Variants in ADGRL3 observed in about 807,000 individuals in gnomAD.
ADGRL3 encodes adhesion G protein-coupled receptor L3.
Under a neutral mutation model 153.5 loss-of-function variants are expected in ADGRL3, and 62 were observed. The observed-to-expected ratio is 0.40, with a 90% CI of 0.33 to 0.50. ADGRL3 has a LOEUF of 0.50. Ranked by LOEUF, ADGRL3 falls within the 20% of genes least tolerant of loss-of-function variation. The pLI, the probability that ADGRL3 is intolerant of heterozygous loss-of-function variation, is 0.47. For missense variants in ADGRL3, 1,641 were observed against 1,859.4 expected (o/e 0.88, Z 2.16); for synonymous variants, 710 against 672.5 (o/e 1.06, Z -0.86).
chr4:61,848,338 G>T (rs1405363447), intron 9 of ADGRL3, among the ~76,000 whole-genome samples: 1 of 150,858 alleles, frequency 6.6e-6, no homozygotes, highest in Non-Finnish European at 1.5e-5. Context: ...AGCCTCTAGG[G>T]TAGGATCCTT....
chr4:62,040,109 ACT>A (rs1314792838), intron 24 of ADGRL3, among the ~76,000 whole-genome samples: 1 of 152,082 alleles, frequency 6.6e-6, no homozygotes, highest in African/African-American at 2.4e-5. Flanking sequence ...TTTCATTGAC[ACT>A]CAGTTTTTCC....
At chr4:61,702,388 T>C (rs2095783109) in intron 6 of ADGRL3, among the ~76,000 whole-genome samples, 1 of 152,194 alleles carries the variant, frequency 6.6e-6, no homozygotes, top group Admixed American at 6.5e-5. Context: ...TTTGCATGGA[T>C]TTTTCAGTAG....
At position 61,803,781 on chromosome 4, in the gene ADGRL3, A is replaced by G. The variant is rs113207520; in HGVS notation, c.1400-10028A>G. ...TCTAATACACAGTATCTTAAAATCA[A>G]TCAAACTCTATACTGTTACTTTGTA... is the stretch of plus-strand genomic sequence containing the variant. On this transcript the variant is annotated intron_variant, in intron 8 of 26. Coordinates refer to ENST00000683033, the MANE Select transcript of ADGRL3 (RefSeq NM_001387552.1). 7.0e-4 allele frequency among the ~76,000 whole-genome samples: 106 copies of G among 152,180 alleles called. 1 individual carries two copies. The Middle Eastern group carries it at 0.01, about 15-fold the overall frequency.
Position 61,927,165 on chromosome 4 carries a change from G to A in ADGRL3, c.2113-7675G>A, listed in dbSNP as rs370098111. 1.1e-4 allele frequency among the ~76,000 whole-genome samples: 16 copies of A among 152,242 alleles called. No individual in the cohort carries two copies. The East Asian group carries it at 1.9e-3, about 18-fold the overall frequency. ...CTGTCTTTCTTGCTGCATCCCAGTT[G>A]ACTGCCACATTGAAGATGCTCAGTT... On this transcript the variant is annotated intron_variant, in intron 13 of 26. Coordinates refer to ENST00000683033, the MANE Select transcript of ADGRL3 (RefSeq NM_001387552.1).
intron 2 of ADGRL3, among the ~76,000 whole-genome samples, chr4:61,430,402 G>A (rs974678231): frequency 1.3e-5 from 2 of 152,038 alleles, no homozygotes; most frequent in Non-Finnish European, 2.9e-5. Flanking sequence ...TTGGTATAGA[G>A]AATAAAATAT....
chr4:61,533,215 T>G (rs994193699), intron 4 of ADGRL3, among the ~76,000 whole-genome samples: 3 of 152,170 alleles, frequency 2.0e-5, no homozygotes, highest in African/African-American at 7.2e-5. Context: ...TGATGAAGTT[T>G]TTCAACATGC....
In ADGRL3 at chr4:61,497,110, C is replaced by A; in HGVS notation, c.-173-11C>A. ...TTTATACAATAACCCTTTTTTTTTT[C>A]TTTTTTGCAGGTTTCAGATTTGGGA... On this transcript the variant is annotated splice_polypyrimidine_tract_variant and intron_variant, in intron 2 of 26. Coordinates refer to ENST00000683033, the MANE Select transcript of ADGRL3 (RefSeq NM_001387552.1). 2.3e-6 allele frequency: 1 copy of A among 430,164 alleles called. No homozygotes were observed. 26.6% of individuals were successfully genotyped at this position (430,164 alleles called of 1,614,324 possible).
intron 21 of ADGRL3, among the ~76,000 whole-genome samples, chr4:62,009,660 C>G (rs891547754): frequency 1.3e-5 from 2 of 152,104 alleles, no homozygotes; most frequent in African/African-American, 4.8e-5. Flanking sequence ...GAACCAAATA[C>G]ATGCCATTTT....
intron 7 of ADGRL3, 124 bp from the exon 8 acceptor site, chr4:61,732,630 C>T: frequency 2.1e-6 from 1 of 477,372 alleles, no homozygotes; most frequent in Non-Finnish European, 3.5e-6. Context: ...TAAAAGAATG[C>T]AGCAAAATAA....
chr4:61,209,002 G>T (rs1193879377), intron 1 of ADGRL3, among the ~76,000 whole-genome samples: 3 of 151,966 alleles, frequency 2.0e-5, no homozygotes, highest in Non-Finnish European at 2.9e-5. Flanking sequence ...TTGGAGAACT[G>T]TGTAATACTT....
At chr4:62,050,604 G>A (rs1311095052) in intron 25 of ADGRL3, among the ~76,000 whole-genome samples, 3 of 151,856 alleles carry the variant, frequency 2.0e-5, no homozygotes, top group Non-Finnish European at 4.4e-5. Context: ...AAGAAAAAAT[G>A]CAAATGAAAA....
chr4:61,834,687 C>T (rs2148910603), intron 9 of ADGRL3, among the ~76,000 whole-genome samples: 1 of 152,242 alleles, frequency 6.6e-6, no homozygotes, highest in East Asian at 1.9e-4. Context: ...AGGAGTGAAA[C>T]CACTTTGTAC....
rs915011531 is a variant in ADGRL3, at chr4:62,059,843, T to C, written c.3815-8323T>C. ...TTGCAGAAATGACGGAACAATAAAA[T>C]GAACTTTAGAACTAACTGTCTTCTC... On this transcript the variant is annotated intron_variant, in intron 25 of 26. Coordinates refer to ENST00000683033, the MANE Select transcript of ADGRL3 (RefSeq NM_001387552.1). Among the ~76,000 whole-genome samples, 4 of 152,156 alleles carry C rather than the reference T, an allele frequency of 2.6e-5. No individual in the cohort carries two copies. The East Asian group carries it at 7.7e-4, about 29-fold the overall frequency.
intron 2 of ADGRL3, among the ~76,000 whole-genome samples, chr4:61,445,552 A>G (rs544953343): frequency 3.3e-5 from 5 of 152,328 alleles, no homozygotes; most frequent in African/African-American, 7.2e-5. Context: ...GGTAATGGCA[A>G]TGAGGTAATG....
At chr4:61,972,894 C>G (rs1022703901) in intron 17 of ADGRL3, among the ~76,000 whole-genome samples, 1 of 151,668 alleles carries the variant, frequency 6.6e-6, no homozygotes, top group Admixed American at 6.6e-5. Context: ...CATTATTGTG[C>G]AAAAAGTAAA....
At chr4:61,314,903 G>A (rs545024857) in intron 1 of ADGRL3, among the ~76,000 whole-genome samples, 24 of 152,234 alleles carry the variant, frequency 1.6e-4, no homozygotes, top group African/African-American at 5.5e-4. Context: ...TATTTTTAAT[G>A]GTTGGTTGGA....
At chr4:61,701,951 G>A (rs2095770671) in intron 6 of ADGRL3, among the ~76,000 whole-genome samples, 1 of 152,048 alleles carries the variant, frequency 6.6e-6, no homozygotes, top group African/African-American at 2.4e-5. Flanking sequence ...CTGGCATGAG[G>A]ATAAGGAATA....
At chr4:61,542,280 A>G (rs2098694021) in intron 4 of ADGRL3, among the ~76,000 whole-genome samples, 1 of 152,156 alleles carries the variant, frequency 6.6e-6, no homozygotes, top group South Asian at 2.1e-4. Flanking sequence ...TTCCATTTCT[A>G]ATCAAGTTTC....
chr4:61,621,008 G>A (rs760417375), intron 5 of ADGRL3, among the ~76,000 whole-genome samples: 11 of 151,882 alleles, frequency 7.2e-5, no homozygotes, highest in South Asian at 4.2e-4. Context: ...TTATTTTATC[G>A]GCTTATTTGT....
Sources: allele counts gnomAD v4.1 joint callset (sites outside exome capture counted in the v4.1 genomes callset), GRCh38; gene constraint gnomAD v4.1.1; transcripts MANE v1.5; gene names NCBI Gene and HGNC (gene_info 2026-07-23, HGNC 2026-07-21).